The following HECW1 variants were observed in gnomAD, a reference collection of about 807,000 sequenced individuals.
HECW1 encodes E3 ubiquitin-protein ligase HECW1.
A neutral mutation model predicts 182.3 loss-of-function variants in HECW1; 61 were observed. The ratio of observed to expected loss-of-function variants is 0.33; its 90% CI spans 0.27 to 0.41. The LOEUF is 0.41. Among genes scored for constraint, HECW1 ranks in the 10% least tolerant of loss-of-function variants. HECW1 has a pLI of 1.00. For synonymous variants in HECW1, 859 were observed against 832.6 expected (o/e 1.03, Z -0.55); for missense variants, 1,739 against 2,108.9 (o/e 0.82, Z 3.44).
chr7:43,262,566 A>G (rs144550673), intron 3 of HECW1, among the ~76,000 whole-genome samples: 208 of 152,320 alleles, frequency 1.4e-3, no homozygotes, highest in African/African-American at 4.7e-3. Context: ...AAATGAATCT[A>G]TAATTACTTA....
At chr7:43,311,290 C>T (rs1299705621) in intron 3 of HECW1, among the ~76,000 whole-genome samples, 2 of 152,180 alleles carry the variant, frequency 1.3e-5, no homozygotes, top group African/African-American at 4.8e-5. Flanking sequence ...GGGACCACTC[C>T]TAATTCTGGG....
chr7:43,369,265 C>A (rs567518678), intron 6 of HECW1, among the ~76,000 whole-genome samples: 3 of 152,214 alleles, frequency 2.0e-5, no homozygotes, highest in South Asian at 2.1e-4. Flanking sequence ...TCGAGACCAG[C>A]CTGACCAACA....
chr7:43,113,671 AG>A (rs199531295), intron 1 of HECW1: 1,500 of 117,872 alleles, frequency 0.013, 28 homozygotes, highest in African/African-American at 0.051. Flanking sequence ...CGGGGCGGGG[AG>A]GGGGGGGGAA....
intron 2 of HECW1, among the ~76,000 whole-genome samples, chr7:43,206,330 G>C (rs965945474): frequency 1.3e-5 from 2 of 152,160 alleles, no homozygotes; most frequent in African/African-American, 2.4e-5. Flanking sequence ...CAAGGGGTTA[G>C]GAAGACAGGG....
intron 2 of HECW1, among the ~76,000 whole-genome samples, chr7:43,217,743 C>T (rs1796568909): frequency 2.0e-5 from 3 of 152,248 alleles, no homozygotes; most frequent in African/African-American, 4.8e-5. Context: ...TGTCCTTACA[C>T]AGCTCTTGGC....
chr7:43,336,042 CTCCT>C (rs1362025122), intron 5 of HECW1, among the ~76,000 whole-genome samples: 12 of 145,236 alleles, frequency 8.3e-5, no homozygotes, highest in South Asian at 2.2e-4. Flanking sequence ...TTCTTTCTCT[CTCCT>C]TCCTTCCTTC....
chr7:43,177,272 AAC>A (rs1199778632), intron 2 of HECW1, among the ~76,000 whole-genome samples: 1 of 152,186 alleles, frequency 6.6e-6, no homozygotes. Context: ...ACTTTGTAGG[AAC>A]AAGTCCCAGC....
At chr7:43,375,561 A>C (rs2074288833) in intron 6 of HECW1, among the ~76,000 whole-genome samples, 1 of 152,208 alleles carries the variant, frequency 6.6e-6, no homozygotes, top group South Asian at 2.1e-4. Context: ...AATTAGCTAA[A>C]TAAAAAATAA....
intron 2 of HECW1, among the ~76,000 whole-genome samples, chr7:43,164,407 G>A (rs1488604217): frequency 6.6e-6 from 1 of 152,230 alleles, no homozygotes; most frequent in Non-Finnish European, 1.5e-5. Flanking sequence ...AGGTGCCAGT[G>A]GGGCCTCCTG....
chr7:43,427,665 G>A (rs538659066), intron 8 of HECW1, among the ~76,000 whole-genome samples: 63 of 152,246 alleles, frequency 4.1e-4, no homozygotes, highest in Middle Eastern at 3.4e-3. Flanking sequence ...CACAACCTGC[G>A]TTCTCGGCTC....
chr7:43,520,651 T>A (rs1165266030), intron 24 of HECW1, among the ~76,000 whole-genome samples: 1 of 151,742 alleles, frequency 6.6e-6, no homozygotes, highest in Non-Finnish European at 1.5e-5. Context: ...TACTTTAAGG[T>A]TTTTTTTAAA....
chr7:43,479,533 C>A lies in HECW1; in HGVS notation c.3100-77C>A, dbSNP rs1162522908. On this transcript the variant is annotated intron_variant, in intron 16 of 29. Transcript: ENST00000395891. ...TAAACCTGAGGCCTGGGCCCTGTAG[C>A]ACTCCTGTATATTACTGACTCCATT... The A allele has an allele frequency of 2.6e-6, 4 of 1,548,484 alleles. No individual in the cohort carries two copies. The African/African-American group carries it at 5.4e-5, about 21-fold the overall frequency.
At chr7:43,466,392 G>C in intron 14 of HECW1, 55 bp from the exon 15 acceptor site, 6 of 1,589,258 alleles carry the variant, frequency 3.8e-6, no homozygotes, top group Non-Finnish European at 5.2e-6. Flanking sequence ...GAAGTACAGA[G>C]GTTGAAATGC....
In HECW1 at chr7:43,235,782, G is replaced by T. The variant is rs978493988; in HGVS notation, c.-31-8093G>T. 2.6e-5 allele frequency among the ~76,000 whole-genome samples: 4 copies of T among 152,124 alleles called. No homozygotes were observed. In the East Asian group the frequency reaches 7.7e-4, roughly 29 times the overall value. On this transcript the variant is annotated intron_variant, in intron 2 of 29. Coordinates refer to ENST00000395891, the MANE Select transcript of HECW1 (RefSeq NM_015052.5). ...TGGGGAGTCCTGAGTGTGGGCATGG[G>T]TGTGGGTGGCATTCTCCTACACACC...
intron 2 of HECW1, among the ~76,000 whole-genome samples, chr7:43,135,901 C>A (rs1787474541): frequency 6.6e-6 from 1 of 151,078 alleles, no homozygotes; most frequent in African/African-American, 2.4e-5. Flanking sequence ...TTTTTCACAT[C>A]ATTTCTCACC....
At chr7:43,327,804 G>A in intron 5 of HECW1, among the ~76,000 whole-genome samples, 1 of 152,094 alleles carries the variant, frequency 6.6e-6, no homozygotes, top group East Asian at 1.9e-4. Flanking sequence ...CATGCATCAT[G>A]TGATATCATA....
At chr7:43,535,951 A>C (rs1333716921) in intron 24 of HECW1, among the ~76,000 whole-genome samples, 1 of 152,264 alleles carries the variant, frequency 6.6e-6, no homozygotes, top group East Asian at 1.9e-4. Flanking sequence ...AACTTGCAAC[A>C]TACTAAAACC....
At chr7:43,355,202 A>G (rs1364466515) in intron 5 of HECW1, among the ~76,000 whole-genome samples, 1 of 152,200 alleles carries the variant, frequency 6.6e-6, no homozygotes, top group Non-Finnish European at 1.5e-5. Flanking sequence ...AAACAAAAAC[A>G]AAAAACACTA....
chr7:43,290,118 TA>T (rs1341715651), intron 3 of HECW1, among the ~76,000 whole-genome samples: 1 of 152,234 alleles, frequency 6.6e-6, no homozygotes, highest in Non-Finnish European at 1.5e-5. Flanking sequence ...CTCCTAGATC[TA>T]AGAAAGGTCT....
Sources: allele counts gnomAD v4.1 joint callset (sites outside exome capture counted in the v4.1 genomes callset), GRCh38; gene constraint gnomAD v4.1.1; transcripts MANE v1.5; gene names NCBI Gene and HGNC (gene_info 2026-07-23, HGNC 2026-07-21).